The following ANKRD6 variants were observed in gnomAD, a reference collection of about 807,000 sequenced individuals.
ANKRD6 encodes ankyrin repeat domain-containing protein 6.
A neutral mutation model predicts 82.3 loss-of-function variants in ANKRD6; 56 were observed. The observed-to-expected ratio is 0.68, with a 90% CI of 0.55 to 0.85. The LOEUF is 0.85. Ranked by LOEUF, ANKRD6 falls within the 40% of genes least tolerant of loss-of-function variation. The pLI is 0.00. For missense variants in ANKRD6, 852 were observed against 907.6 expected (o/e 0.94, Z 0.79); for synonymous variants, 347 against 352.1 (o/e 0.99, Z 0.16).
intron 1 of ANKRD6, among the ~76,000 whole-genome samples, chr6:89,470,261 G>A (rs974707400): frequency 1.3e-5 from 2 of 152,104 alleles, no homozygotes; most frequent in African/African-American, 2.4e-5. Flanking sequence ...GCTAGTTCTT[G>A]TTAATCCTCA....
At position 89,511,817 on chromosome 6, in the gene ANKRD6, G is replaced by A. The variant is rs555693931; in HGVS notation, c.-143-55017G>A. Among the ~76,000 whole-genome samples, 51 of 152,244 alleles carry A rather than the reference G, an allele frequency of 3.3e-4. 1 individual carries two copies. Among genetic ancestry groups the A allele is most frequent in the African/African-American group, 1.2e-3 (51 of 41,538 alleles). ...ACCTTATGATTTGCAAAATGATTTTGTGGCAAATAACTGAATTCCCTGTGC... is the reference window on the plus strand; with the variant it reads ...ACCTTATGATTTGCAAAATGATTTTATGGCAAATAACTGAATTCCCTGTGC... On this transcript the variant is annotated intron_variant, in intron 1 of 15. Coordinates refer to ENST00000339746, the MANE Select transcript of ANKRD6 (RefSeq NM_001242809.2).
At chr6:89,493,528 G>A (rs12663719) in intron 1 of ANKRD6, among the ~76,000 whole-genome samples, 22,299 of 151,958 alleles carry the variant, frequency 0.15, 2,110 homozygotes, top group East Asian at 0.4. Flanking sequence ...TCCCACTTCA[G>A]CTTCCTGAGT....
chr6:89,456,975 A>G (rs1773579238), intron 1 of ANKRD6, among the ~76,000 whole-genome samples: 1 of 152,220 alleles, frequency 6.6e-6, no homozygotes, highest in Non-Finnish European at 1.5e-5. Context: ...ACCTTAGTCC[A>G]TAAAGGCAAT....
chr6:89,472,257 A>C (rs540770469), intron 1 of ANKRD6, among the ~76,000 whole-genome samples: 1 of 152,174 alleles, frequency 6.6e-6, no homozygotes, highest in Non-Finnish European at 1.5e-5. Flanking sequence ...CCTATTTGCA[A>C]ATAAGTTCAC....
Position 89,456,721 on chromosome 6 carries a change from C to A in ANKRD6, c.-144+23346C>A, listed in dbSNP as rs1284752097. Reference sequence around the variant, plus strand: ...AATAGCTAGGCTGTTTACCACTAGTCTCATAAAACATAAATTATGGCCACA... The same window carrying A: ...AATAGCTAGGCTGTTTACCACTAGTATCATAAAACATAAATTATGGCCACA... On this transcript the variant is annotated intron_variant, in intron 1 of 15. Coordinates refer to ENST00000339746, the MANE Select transcript of ANKRD6 (RefSeq NM_001242809.2). Among the ~76,000 whole-genome samples the A allele has an allele frequency of 2.6e-5, 4 of 152,270 alleles. No homozygotes were observed. The East Asian group carries it at 5.8e-4, about 22-fold the overall frequency.
intron 12 of ANKRD6, 40 bp from the exon 13 acceptor site, chr6:89,624,499 A>G: frequency 6.5e-7 from 1 of 1,548,484 alleles, no homozygotes; most frequent in South Asian, 1.2e-5. Context: ...CTGATGAAGG[A>G]ATGAACAAGG....
At chr6:89,529,329 C>T (rs563868218) in intron 1 of ANKRD6, among the ~76,000 whole-genome samples, 1 of 152,220 alleles carries the variant, frequency 6.6e-6, no homozygotes, top group Non-Finnish European at 1.5e-5. Flanking sequence ...AAGATGATTC[C>T]TTTCCTTAAA....
At chr6:89,443,534 A>C (rs1242051057) in intron 1 of ANKRD6, among the ~76,000 whole-genome samples, 2 of 152,136 alleles carry the variant, frequency 1.3e-5, no homozygotes, top group Non-Finnish European at 2.9e-5. Context: ...AGGTGTGATC[A>C]TGGTTCTGCA....
chr6:89,578,408 G>A (rs1445362004), intron 2 of ANKRD6, among the ~76,000 whole-genome samples: 1 of 146,474 alleles, frequency 6.8e-6, no homozygotes, highest in Non-Finnish European at 1.5e-5. Flanking sequence ...CGATTCTCCT[G>A]CCTCAGCCTC....
chr6:89,454,959 G>A (rs1773322726), intron 1 of ANKRD6, among the ~76,000 whole-genome samples: 1 of 152,052 alleles, frequency 6.6e-6, no homozygotes. Context: ...TCTTGCCTCA[G>A]CCTCCCGAGT....
rs752636503 is a variant in ANKRD6, at chr6:89,606,111, G to A, written c.417+6G>A. On this transcript the variant is annotated splice_donor_region_variant and intron_variant, in intron 5 of 15. Coordinates refer to ENST00000339746, the MANE Select transcript of ANKRD6 (RefSeq NM_001242809.2). ...ACGTGCTTGCCAAGAACAAGGTGAGGCCTGGCAGATGCTAGAATGCCTCAT... is the reference window on the plus strand; with the variant it reads ...ACGTGCTTGCCAAGAACAAGGTGAGACCTGGCAGATGCTAGAATGCCTCAT... 1 of 1,552,364 alleles carries A rather than the reference G, an allele frequency of 6.4e-7. No individual in the cohort carries two copies. The highest frequency in any genetic ancestry group is 8.7e-7 in the Non-Finnish European group (1 of 1,145,462).
intron 1 of ANKRD6, among the ~76,000 whole-genome samples, chr6:89,555,792 G>A (rs1019831744): frequency 6.6e-6 from 1 of 152,070 alleles, no homozygotes; most frequent in African/African-American, 2.4e-5. Flanking sequence ...GTATATCTCT[G>A]GACTTTGTTC....
At chr6:89,594,182 G>A (rs1795412882) in intron 2 of ANKRD6, among the ~76,000 whole-genome samples, 2 of 152,240 alleles carry the variant, frequency 1.3e-5, no homozygotes, top group African/African-American at 2.4e-5. Context: ...GCCAGGCACA[G>A]TGGCTAACGC....
At chr6:89,513,577 T>C (rs1780831794) in intron 1 of ANKRD6, among the ~76,000 whole-genome samples, 1 of 152,272 alleles carries the variant, frequency 6.6e-6, no homozygotes, top group South Asian at 2.1e-4. Flanking sequence ...TTATGTAGTA[T>C]GAACATATAT....
At position 89,596,098 on chromosome 6, in the gene ANKRD6, T is replaced by C; in HGVS notation, c.219+84T>C. 4 of 1,194,140 alleles carry C rather than the reference T, an allele frequency of 3.3e-6. No individual in the cohort carries two copies. In the Middle Eastern group the frequency reaches 7.7e-4, roughly 229 times the overall value. The allele number at this position is 1,194,140 out of a possible 1,614,324, so 74.0% of individuals were successfully genotyped here. On this transcript the variant is annotated intron_variant, in intron 3 of 15. Transcript: ENST00000339746. ...AATCCACAAAGTGTAAGCTGTGAGATGGGAGGGTAGTAGATGCTCTCGCAG... is the reference window on the plus strand; with the variant it reads ...AATCCACAAAGTGTAAGCTGTGAGACGGGAGGGTAGTAGATGCTCTCGCAG...
intron 1 of ANKRD6, among the ~76,000 whole-genome samples, chr6:89,555,336 A>G (rs1426996286): frequency 6.6e-6 from 1 of 151,994 alleles, no homozygotes; most frequent in Non-Finnish European, 1.5e-5. Context: ...GTCCAGTTTG[A>G]TAAGTATTAC....
At chr6:89,629,293 T>G in intron 15 of ANKRD6, 55 bp downstream of exon 15, 1 of 1,608,118 alleles carries the variant, frequency 6.2e-7, no homozygotes, top group Non-Finnish European at 8.5e-7. Context: ...CAGCAGCTCT[T>G]GTACTCTCCT....
At chr6:89,515,383 A>G (rs1053073077) in intron 1 of ANKRD6, among the ~76,000 whole-genome samples, 7 of 152,194 alleles carry the variant, frequency 4.6e-5, no homozygotes, top group African/African-American at 1.7e-4. Context: ...CCTTTCCTTC[A>G]TGATCTTGAA....
intron 1 of ANKRD6, among the ~76,000 whole-genome samples, chr6:89,444,573 T>C (rs909352142): frequency 1.3e-5 from 2 of 152,252 alleles, no homozygotes; most frequent in African/African-American, 4.8e-5. Context: ...GTAAACATTT[T>C]ATCATCCAAT....
Sources: allele counts gnomAD v4.1 joint callset (sites outside exome capture counted in the v4.1 genomes callset), GRCh38; gene constraint gnomAD v4.1.1; transcripts MANE v1.5; gene names NCBI Gene and HGNC (gene_info 2026-07-23, HGNC 2026-07-21).